RIC1: variants seen among roughly 807,000 people sequenced by gnomAD.
The protein encoded by RIC1 is RIC1 partner of RAB6A GEF complex.
RIC1 carries 88 observed loss-of-function variants against 169.0 expected under a neutral mutation model. The ratio of observed to expected loss-of-function variants is 0.52; its 90% CI spans 0.44 to 0.62. The LOEUF (loss-of-function observed/expected upper bound fraction) is 0.62. Among genes scored for constraint, RIC1 ranks in the 20% least tolerant of loss-of-function variants. The pLI, the probability that RIC1 is intolerant of heterozygous loss-of-function variation, is 0.00. For synonymous variants in RIC1, 790 were observed against 601.5 expected, an observed-to-expected ratio of 1.31 and a Z score of -4.59; for missense variants, 1,877 against 1,725.5, an observed-to-expected ratio of 1.09 and a Z score of -1.56.
intron 23 of RIC1, among the ~76,000 whole-genome samples, chr9:5,771,143 C>A (rs924606932): frequency 6.6e-6 from 1 of 152,182 alleles, no homozygotes; most frequent in Non-Finnish European, 1.5e-5. Flanking sequence ...CCACATTGTT[C>A]TGCAATCAGC....
intron 1 of RIC1, among the ~76,000 whole-genome samples, chr9:5,642,901 A>C (rs980080120): frequency 1.3e-5 from 2 of 152,194 alleles, no homozygotes; most frequent in Non-Finnish European, 2.9e-5. Flanking sequence ...GTAACTTTTA[A>C]ACTTGAAAGT....
intron 3 of RIC1, among the ~76,000 whole-genome samples, chr9:5,692,844 G>A (rs1486946237): frequency 6.6e-6 from 1 of 152,058 alleles, no homozygotes; most frequent in African/African-American, 2.4e-5. Flanking sequence ...TTGAGACACT[G>A]TTCTAAGCAT....
chr9:5,646,779 G>C (rs1046160037), intron 1 of RIC1, among the ~76,000 whole-genome samples: 2 of 152,136 alleles, frequency 1.3e-5, no homozygotes, highest in Admixed American at 6.5e-5. Context: ...TACTCTCTTT[G>C]TAGTAGCCAT....
At chr9:5,737,664 C>T (rs1045917105) in intron 7 of RIC1, among the ~76,000 whole-genome samples, 22 of 151,750 alleles carry the variant, frequency 1.4e-4, no homozygotes, top group Non-Finnish European at 3.1e-4. Flanking sequence ...GAGGTACCAA[C>T]CCCCCAACAC....
At chr9:5,716,402 C>A (rs570004132) in intron 4 of RIC1, among the ~76,000 whole-genome samples, 84 of 152,192 alleles carry the variant, frequency 5.5e-4, no homozygotes, top group Middle Eastern at 3.4e-3. Flanking sequence ...ATCATGAGGT[C>A]AGGAGTTTGA....
At chr9:5,725,534 T>A (rs1823916911) in intron 6 of RIC1, among the ~76,000 whole-genome samples, 1 of 152,090 alleles carries the variant, frequency 6.6e-6, no homozygotes, top group Non-Finnish European at 1.5e-5. Context: ...ATTTTTTTGA[T>A]GGTTTTTTTA....
At chr9:5,714,617 C>T (rs925477042) in intron 4 of RIC1, among the ~76,000 whole-genome samples, 2 of 151,876 alleles carry the variant, frequency 1.3e-5, no homozygotes, top group African/African-American at 2.4e-5. Context: ...TTAAACGATA[C>T]GCAGCTGTAA....
intron 6 of RIC1, among the ~76,000 whole-genome samples, chr9:5,723,224 T>G (rs979753862): frequency 6.6e-6 from 1 of 152,358 alleles, no homozygotes; most frequent in South Asian, 2.1e-4. Flanking sequence ...ACCTATTGTT[T>G]CCTAAGTTTT....
chr9:5,768,972 G>A lies in RIC1; in HGVS notation c.3140G>A (p.Trp1047Ter). The A allele has an allele frequency of 1.9e-6, 3 of 1,597,896 alleles. No individual in the cohort carries two copies. Among genetic ancestry groups the A allele is most frequent in the Non-Finnish European group, 1.7e-6 (2 of 1,173,508 alleles). The change falls in exon 22 of 26, where the codon TGG (tryptophan) becomes TAG (stop). Residue 1047 changes from tryptophan to a stop codon, truncating the protein, a stop_gained and splice_region_variant. Transcript: ENST00000414202. LOFTEE classifies it high-confidence loss of function. ...CTTTCTTGTGTTTCCACTTACAGAT[G>A]GAGCAAAGACAGTGACTGTGCTGAG... The part of the protein sequence containing the change: ...SMPSGPSGKR[W>*]SKDSDCAENM...
chr9:5,649,266 A>C (rs1311889057), intron 1 of RIC1, among the ~76,000 whole-genome samples: 1 of 152,126 alleles, frequency 6.6e-6, no homozygotes, highest in Non-Finnish European at 1.5e-5. Context: ...TACATAGAAT[A>C]CTCCTGAATG....
At chr9:5,730,154 AT>A (rs1461713816) in intron 6 of RIC1, among the ~76,000 whole-genome samples, 1 of 152,232 alleles carries the variant, frequency 6.6e-6, no homozygotes, top group Non-Finnish European at 1.5e-5. Context: ...ACTAAATGAC[AT>A]TTAACAGATG....
At chr9:5,637,575 C>A (rs1042212287) in intron 1 of RIC1, among the ~76,000 whole-genome samples, 2 of 151,908 alleles carry the variant, frequency 1.3e-5, no homozygotes, top group African/African-American at 4.8e-5. Flanking sequence ...TTTTTTGTAC[C>A]CATTAGCCGT....
intron 21 of RIC1, among the ~76,000 whole-genome samples, chr9:5,767,909 T>C (rs1826905111): frequency 6.6e-6 from 1 of 152,220 alleles, no homozygotes; most frequent in Non-Finnish European, 1.5e-5. Flanking sequence ...TTTTAACAAG[T>C]GCTTACTACA....
chr9:5,644,272 T>A (rs897470756), intron 1 of RIC1, among the ~76,000 whole-genome samples: 6 of 152,206 alleles, frequency 3.9e-5, no homozygotes, highest in Non-Finnish European at 8.8e-5. Context: ...TTTTGTCCAT[T>A]TGATTTAGCT....
chr9:5,643,882 T>C (rs1399168469), intron 1 of RIC1, among the ~76,000 whole-genome samples: 1 of 152,198 alleles, frequency 6.6e-6, no homozygotes, highest in East Asian at 1.9e-4. Flanking sequence ...TTCTTACTCA[T>C]GAGCAGGCAT....
chr9:5,669,661 T>C (rs941937934), intron 2 of RIC1, among the ~76,000 whole-genome samples: 1 of 152,132 alleles, frequency 6.6e-6, no homozygotes, highest in African/African-American at 2.4e-5. Context: ...AGGAAAACTT[T>C]TTTGGGGACT....
intron 21 of RIC1, among the ~76,000 whole-genome samples, chr9:5,768,754 T>C (rs1826978666): frequency 6.6e-6 from 1 of 152,190 alleles, no homozygotes; most frequent in South Asian, 2.1e-4. Flanking sequence ...CTGTTCCCTG[T>C]ATTCATTCTA....
At chr9:5,688,579 T>G (rs1409255209) in intron 2 of RIC1, among the ~76,000 whole-genome samples, 1 of 152,214 alleles carries the variant, frequency 6.6e-6, no homozygotes, top group Non-Finnish European at 1.5e-5. Flanking sequence ...AAAGATGATC[T>G]TATCTGAAGA....
At chr9:5,645,221 T>C (rs1377006640) in intron 1 of RIC1, among the ~76,000 whole-genome samples, 1 of 152,140 alleles carries the variant, frequency 6.6e-6, no homozygotes, top group Non-Finnish European at 1.5e-5. Flanking sequence ...GCCTCACTTA[T>C]TTAAAAATTT....
Sources: allele counts gnomAD v4.1 joint callset (sites outside exome capture counted in the v4.1 genomes callset), GRCh38; gene constraint gnomAD v4.1.1; transcripts MANE v1.5; gene names NCBI Gene and HGNC (gene_info 2026-07-23, HGNC 2026-07-21).